Variants in PARP8 observed in about 807,000 individuals in gnomAD.
PARP8 encodes the protein protein mono-ADP-ribosyltransferase PARP8.
In PARP8, 51 loss-of-function variants were observed where a neutral mutation model predicts 124.1. The ratio of observed to expected loss-of-function variants is 0.41; its 90% CI spans 0.33 to 0.52. The LOEUF is 0.52. PARP8 is among the 20% of genes least tolerant of loss of function. The pLI is 0.21. For synonymous variants in PARP8, 391 were observed against 361.5 expected, an observed-to-expected ratio of 1.08 and a Z score of -0.93; for missense variants, 860 against 1,018.9, an observed-to-expected ratio of 0.84 and a Z score of 2.12.
At chr5:50,829,100 T>C (rs1340645458) in intron 21 of PARP8, among the ~76,000 whole-genome samples, 1 of 152,164 alleles carries the variant, frequency 6.6e-6, no homozygotes, top group Non-Finnish European at 1.5e-5. Context: ...TAAGTGAAGA[T>C]TGCATGCTAG....
chr5:50,763,312 A>G (rs1580253133), intron 7 of PARP8, 70 bp downstream of exon 7: 2 of 1,243,600 alleles, frequency 1.6e-6, no homozygotes, highest in Non-Finnish European at 2.3e-6. Flanking sequence ...TTTTGGAGTA[A>G]TTTAAAGGAA....
chr5:50,789,470 T>G (rs907208434), intron 10 of PARP8, among the ~76,000 whole-genome samples: 2 of 151,146 alleles, frequency 1.3e-5, no homozygotes, highest in African/African-American at 4.9e-5. Context: ...GTTGTGGTTT[T>G]CCCTGAAGAA....
chr5:50,721,202 C>T (rs1330404063), intron 2 of PARP8, among the ~76,000 whole-genome samples: 4 of 151,708 alleles, frequency 2.6e-5, no homozygotes, highest in Non-Finnish European at 5.9e-5. Flanking sequence ...CATTCCTGAT[C>T]TTAAGAAAAG....
chr5:50,722,020 T>C (rs1755942616), intron 2 of PARP8, among the ~76,000 whole-genome samples: 1 of 152,100 alleles, frequency 6.6e-6, no homozygotes, highest in African/African-American at 2.4e-5. Context: ...AACCAAATTT[T>C]ATTTTGTGTG....
At chr5:50,760,478 A>T in intron 5 of PARP8, 116 bp downstream of exon 5, 2 of 846,776 alleles carry the variant, frequency 2.4e-6, no homozygotes, top group Non-Finnish European at 3.2e-6. Flanking sequence ...GGTGAATGAA[A>T]CTCAAGCTAA....
chr5:50,713,788 G>A (rs1755023080), intron 2 of PARP8, among the ~76,000 whole-genome samples: 1 of 152,086 alleles, frequency 6.6e-6, no homozygotes, highest in Non-Finnish European at 1.5e-5. Flanking sequence ...GCGAGTCAGA[G>A]AAGGAGATGG....
chr5:50,832,863 G>C lies in PARP8; in HGVS notation c.2307+9G>C. On this transcript the variant is annotated intron_variant, in intron 23 of 25. Transcript: ENST00000281631. ...GCAGCAATACATCACAGGTGTTGTA[G>C]TGACTTTAGTGACTGCTTATGATTA... 1 of 1,610,868 alleles carries C rather than the reference G, an allele frequency of 6.2e-7. No homozygotes were observed. Among genetic ancestry groups the C allele is most frequent in the Non-Finnish European group, 8.5e-7 (1 of 1,177,366 alleles).
At chr5:50,814,649 A>T (rs1744882567) in intron 14 of PARP8, among the ~76,000 whole-genome samples, 1 of 152,110 alleles carries the variant, frequency 6.6e-6, no homozygotes, top group African/African-American at 2.4e-5. Context: ...CCCACTGGTT[A>T]AGCAGAAGAC....
At position 50,845,665 on chromosome 5, in the gene PARP8, G is replaced by A. The variant is rs1465391707; in HGVS notation, c.*3597G>A. Reference sequence around the variant, plus strand: ...ATTTCAGTCACTGGTAACAATGTCAGGGTTAACACCCAATGAATTATTTGA... The same window carrying A: ...ATTTCAGTCACTGGTAACAATGTCAAGGTTAACACCCAATGAATTATTTGA... On this transcript the variant is annotated 3_prime_UTR_variant, in exon 26 of 26. Transcript: ENST00000281631. The A allele has an allele frequency of 6.6e-6, 1 of 151,692 alleles. No homozygotes were observed. The highest frequency in any genetic ancestry group is 1.9e-4 in the East Asian group (1 of 5,160). The allele number at this position is 151,692 out of a possible 1,614,324, so 9.4% of individuals were successfully genotyped here. A position where few individuals can be genotyped will look rare whatever the true frequency, so the allele number is the denominator to read the frequency against.
At chr5:50,739,269 A>C (rs969844291) in intron 2 of PARP8, among the ~76,000 whole-genome samples, 3 of 152,160 alleles carry the variant, frequency 2.0e-5, no homozygotes, top group African/African-American at 7.2e-5. Flanking sequence ...GATTCTCCTC[A>C]TGAAAACCTT....
intron 2 of PARP8, among the ~76,000 whole-genome samples, chr5:50,705,880 G>T (rs945225344): frequency 6.6e-6 from 1 of 152,070 alleles, no homozygotes; most frequent in Non-Finnish European, 1.5e-5. Flanking sequence ...GCATTTCATT[G>T]ATACTTTTAT....
chr5:50,740,561 A>G (rs540617560), intron 2 of PARP8, among the ~76,000 whole-genome samples: 15 of 152,272 alleles, frequency 9.9e-5, no homozygotes, highest in Non-Finnish European at 1.9e-4. Flanking sequence ...ATGGCGGCTC[A>G]TGTCTGTAAT....
At chr5:50,679,947 G>A (rs1165603863) in intron 2 of PARP8, among the ~76,000 whole-genome samples, 3 of 152,114 alleles carry the variant, frequency 2.0e-5, no homozygotes, top group Admixed American at 1.3e-4. Context: ...CGGTCAAATT[G>A]TCCTAAGGAA....
chr5:50,677,715 GTCTT>G (rs1750794769), intron 2 of PARP8, among the ~76,000 whole-genome samples: 3 of 152,026 alleles, frequency 2.0e-5, no homozygotes, highest in Non-Finnish European at 4.4e-5. Context: ...AATATTTGAT[GTCTT>G]ACATGTACAG....
At chr5:50,801,970 A>G (rs531711735) in intron 14 of PARP8, among the ~76,000 whole-genome samples, 135 of 152,164 alleles carry the variant, frequency 8.9e-4, no homozygotes, top group African/African-American at 3.2e-3. Flanking sequence ...ATCTTTTTTC[A>G]TGCTTATGTT....
At chr5:50,737,165 A>G (rs1437885815) in intron 2 of PARP8, among the ~76,000 whole-genome samples, 15 of 152,240 alleles carry the variant, frequency 9.9e-5, no homozygotes. Flanking sequence ...TAAGTCTGGG[A>G]ACCTATCAGC....
intron 5 of PARP8, among the ~76,000 whole-genome samples, chr5:50,760,748 C>T (rs936179452): frequency 1.3e-5 from 2 of 152,030 alleles, no homozygotes; most frequent in African/African-American, 4.8e-5. Flanking sequence ...GCCAAAGTAA[C>T]ACTGAGGTTG....
intron 25 of PARP8, among the ~76,000 whole-genome samples, chr5:50,838,030 T>C (rs1487936130): frequency 6.6e-6 from 1 of 152,120 alleles, no homozygotes; most frequent in East Asian, 1.9e-4. Flanking sequence ...TAGGAAGCTA[T>C]TTTCAAAAGG....
rs35290606 is a variant in PARP8, at chr5:50,826,811, G to GTT, written c.1977+21_1977+22dup. The GTT allele has an allele frequency of 5.0e-4, 705 of 1,421,640 alleles. No homozygotes were observed. The highest frequency in any genetic ancestry group is 4.7e-3 in the Admixed American group (219 of 46,110). The allele number at this position is 1,421,640 out of a possible 1,614,324, so 88.1% of individuals were successfully genotyped here. A position where few individuals can be genotyped will look rare whatever the true frequency, so the allele number is the denominator to read the frequency against. On this transcript the variant is annotated intron_variant, in intron 19 of 25. Coordinates refer to ENST00000281631, the MANE Select transcript of PARP8 (RefSeq NM_024615.4). The stretch of plus-strand genomic sequence containing the variant: ...AAACTGCCAGTTAACAGGGTAAGTT[G>GTT]TTTTTTTTTTTTTTACATATGCATA...
Sources: allele counts gnomAD v4.1 joint callset (sites outside exome capture counted in the v4.1 genomes callset), GRCh38; gene constraint gnomAD v4.1.1; transcripts MANE v1.5; gene names NCBI Gene and HGNC (gene_info 2026-07-23, HGNC 2026-07-21).